The following COL8A1 variants were observed in gnomAD, a reference collection of about 807,000 sequenced individuals.
COL8A1 encodes collagen alpha-1(VIII) chain.
COL8A1 carries 21 observed loss-of-function variants against 42.7 expected under a neutral mutation model. The observed-to-expected ratio is 0.49, with a 90% CI of 0.35 to 0.71. The LOEUF (loss-of-function observed/expected upper bound fraction) is 0.71. COL8A1 is among the 30% of genes least tolerant of loss of function. COL8A1 has a pLI of 0.01. For missense variants in COL8A1, 788 were observed against 962.4 expected (o/e 0.82, Z 2.40); for synonymous variants, 367 against 369.1 (o/e 0.99, Z 0.06).
At chr3:99,762,253 G>A (rs1036469194) in intron 2 of COL8A1, among the ~76,000 whole-genome samples, 10 of 152,242 alleles carry the variant, frequency 6.6e-5, no homozygotes, top group East Asian at 1.9e-4. Context: ...AGAAAATCAC[G>A]CACATTTTAG....
At chr3:99,656,153 T>C (rs541578605) in intron 1 of COL8A1, among the ~76,000 whole-genome samples, 26 of 152,342 alleles carry the variant, frequency 1.7e-4, no homozygotes, top group Non-Finnish European at 3.8e-4. Context: ...CTTAAAGGTA[T>C]AAAATATCAG....
intron 1 of COL8A1, among the ~76,000 whole-genome samples, chr3:99,724,003 C>T (rs1940231734): frequency 6.6e-6 from 1 of 152,130 alleles, no homozygotes; most frequent in Non-Finnish European, 1.5e-5. Context: ...TTTGCCACAA[C>T]TATTGTTTGG....
At chr3:99,793,890 T>C (rs1424078565) in intron 3 of COL8A1, among the ~76,000 whole-genome samples, 1 of 152,182 alleles carries the variant, frequency 6.6e-6, no homozygotes, top group East Asian at 1.9e-4. Flanking sequence ...TAGCTGGGAC[T>C]ACAGGCATGT....
intron 1 of COL8A1, among the ~76,000 whole-genome samples, chr3:99,675,046 G>C (rs945061204): frequency 6.6e-6 from 1 of 152,040 alleles, no homozygotes; most frequent in Non-Finnish European, 1.5e-5. Context: ...AACTAAGGCA[G>C]TCTAGGAATA....
At chr3:99,725,023 ATATAGT>A (rs1371242478) in intron 1 of COL8A1, among the ~76,000 whole-genome samples, 3 of 152,080 alleles carry the variant, frequency 2.0e-5, no homozygotes, top group Admixed American at 6.6e-5. Context: ...ATGATGTATA[ATATAGT>A]TAAAGTATAC....
chr3:99,748,059 T>C, intron 2 of COL8A1, among the ~76,000 whole-genome samples: 1 of 152,318 alleles, frequency 6.6e-6, no homozygotes, highest in African/African-American at 2.4e-5. Context: ...TCTTATTTAA[T>C]CTTCCCCGCA....
At chr3:99,720,710 A>G (rs1162810118) in intron 1 of COL8A1, among the ~76,000 whole-genome samples, 1 of 152,184 alleles carries the variant, frequency 6.6e-6, no homozygotes, top group Non-Finnish European at 1.5e-5. Context: ...GGCTCATCAT[A>G]GCAAAATGAG....
At chr3:99,674,399 C>A (rs1415521722) in intron 1 of COL8A1, among the ~76,000 whole-genome samples, 2 of 151,600 alleles carry the variant, frequency 1.3e-5, no homozygotes, top group Non-Finnish European at 2.9e-5. Context: ...AACTTCTGTT[C>A]CATTTTTAAT....
intron 1 of COL8A1, among the ~76,000 whole-genome samples, chr3:99,704,507 C>T (rs2107349917): frequency 6.6e-6 from 1 of 152,012 alleles, no homozygotes; most frequent in South Asian, 2.1e-4. Flanking sequence ...GGTGTGAAGG[C>T]TTATATCTTT....
At chr3:99,677,202 T>C (rs565637268) in intron 1 of COL8A1, among the ~76,000 whole-genome samples, 240 of 152,154 alleles carry the variant, frequency 1.6e-3, no homozygotes, top group Middle Eastern at 0.01. Context: ...ATTTAAAGAA[T>C]GAACATCAAG....
At chr3:99,728,940 T>C (rs973792442) in intron 1 of COL8A1, among the ~76,000 whole-genome samples, 1 of 152,038 alleles carries the variant, frequency 6.6e-6, no homozygotes, top group Non-Finnish European at 1.5e-5. Flanking sequence ...CTGACCTCTG[T>C]TATTTAGAAG....
intron 1 of COL8A1, chr3:99,685,449 G>A (rs1324767102): frequency 6.6e-6 from 1 of 152,110 alleles, no homozygotes; most frequent in African/African-American, 2.4e-5. Flanking sequence ...CATGATCTTA[G>A]AAATTTGCCA....
intron 1 of COL8A1, among the ~76,000 whole-genome samples, chr3:99,647,475 GTCTCTCTC>G (rs10662522): frequency 5.9e-4 from 87 of 147,742 alleles, no homozygotes; most frequent in Admixed American, 1.0e-3. Context: ...TATTATTCAA[GTCTCTCTC>G]TCTCTCTCTC....
At chr3:99,727,456 T>C (rs1221218239) in intron 1 of COL8A1, among the ~76,000 whole-genome samples, 1 of 152,140 alleles carries the variant, frequency 6.6e-6, no homozygotes. Context: ...GTATGTTGAA[T>C]AGGAGTGGTG....
chr3:99,676,765 T>C (rs1938710613), intron 1 of COL8A1, among the ~76,000 whole-genome samples: 1 of 152,076 alleles, frequency 6.6e-6, no homozygotes, highest in South Asian at 2.1e-4. Flanking sequence ...AAAGGAAAAA[T>C]ATAATTTTCA....
At chr3:99,708,574 A>G (rs1359653163) in intron 1 of COL8A1, among the ~76,000 whole-genome samples, 1 of 151,930 alleles carries the variant, frequency 6.6e-6, no homozygotes, top group African/African-American at 2.4e-5. Context: ...TTTCGGAAAA[A>G]CCATACTGGC....
chr3:99,653,521 G>A (rs890830133), intron 1 of COL8A1, among the ~76,000 whole-genome samples: 1 of 151,830 alleles, frequency 6.6e-6, no homozygotes, highest in African/African-American at 2.4e-5. Context: ...CAGTTCACGG[G>A]CATCTCTCTC....
At chr3:99,651,107 T>A (rs1937832127) in intron 1 of COL8A1, among the ~76,000 whole-genome samples, 1 of 152,160 alleles carries the variant, frequency 6.6e-6, no homozygotes, top group South Asian at 2.1e-4. Context: ...TGGCTTAAAA[T>A]CCCTCAGAAT....
At chr3:99,750,049 C>CTTTTTTTTTTTTT (rs1176042144) in intron 2 of COL8A1, among the ~76,000 whole-genome samples, 49 of 65,960 alleles carry the variant, frequency 7.4e-4, no homozygotes, top group East Asian at 1.6e-3. Flanking sequence ...TTTTTTTCTT[C>CTTTTTTTTTTTTT]TTTTTTTTTT....
Sources: gnomAD v4.1 joint callset for allele counts (sites outside exome capture counted in the v4.1 genomes callset) on GRCh38, gnomAD v4.1.1 for gene constraint, MANE v1.5 for transcripts, NCBI Gene and HGNC (gene_info 2026-07-23, HGNC 2026-07-21) for gene names.